The following PTPRD variants were observed in gnomAD, a reference collection of about 807,000 sequenced individuals.
PTPRD encodes the protein receptor-type tyrosine-protein phosphatase delta.
Under a neutral mutation model 214.5 loss-of-function variants are expected in PTPRD, and 34 were observed. The ratio of observed to expected loss-of-function variants is 0.16; its 90% CI spans 0.12 to 0.21. The LOEUF (loss-of-function observed/expected upper bound fraction) is 0.21. Ranked by LOEUF, PTPRD falls within the 10% of genes least tolerant of loss-of-function variation. The pLI is 1.00. For missense variants in PTPRD, 2,545 were observed against 2,398.7 expected (o/e 1.06, Z -1.27); for synonymous variants, 1,128 against 845.7 (o/e 1.33, Z -5.79).
intron 2 of PTPRD, among the ~76,000 whole-genome samples, chr9:10,551,563 G>A (rs1452936548): frequency 4.6e-5 from 7 of 152,098 alleles, no homozygotes; most frequent in African/African-American, 1.7e-4. Context: ...GCCCTAAAGA[G>A]CTGCCTTGCC....
At chr9:9,684,697 GTGTGTGTGTGTGTA>G (rs1564530248) in intron 7 of PTPRD, among the ~76,000 whole-genome samples, 2 of 150,976 alleles carry the variant, frequency 1.3e-5, no homozygotes, top group Non-Finnish European at 3.0e-5. Flanking sequence ...CAGCATTTGT[GTGTGTGTGTGTGTA>G]TGTGTGTGTG....
intron 2 of PTPRD, among the ~76,000 whole-genome samples, chr9:10,373,550 T>C (rs2097671584): frequency 6.6e-6 from 1 of 152,146 alleles, no homozygotes; most frequent in African/African-American, 2.4e-5. Context: ...GGATCATTAG[T>C]TAAGCTAATG....
intron 2 of PTPRD, among the ~76,000 whole-genome samples, chr9:10,524,450 A>C (rs543069563): frequency 1.1e-4 from 17 of 152,234 alleles, no homozygotes; most frequent in African/African-American, 3.8e-4. Context: ...ATGTATCTAT[A>C]ACTTAATAAA....
intron 8 of PTPRD, among the ~76,000 whole-genome samples, chr9:9,484,218 A>T (rs1237957256): frequency 6.6e-6 from 1 of 152,098 alleles, no homozygotes; most frequent in Non-Finnish European, 1.5e-5. Flanking sequence ...GCAAAAAAAA[A>T]ATAACAAATG....
chr9:9,229,723 T>A (rs1051015110), intron 9 of PTPRD, among the ~76,000 whole-genome samples: 9 of 152,098 alleles, frequency 5.9e-5, no homozygotes, highest in African/African-American at 2.2e-4. Flanking sequence ...GGAACTAGTA[T>A]TGTCTTAACT....
chr9:9,379,649 A>G (rs2061653370), intron 9 of PTPRD, among the ~76,000 whole-genome samples: 1 of 152,086 alleles, frequency 6.6e-6, no homozygotes, highest in African/African-American at 2.4e-5. Flanking sequence ...TTGATATTAT[A>G]TCTTCCTATC....
At chr9:10,203,946 C>T (rs540219813) in intron 3 of PTPRD, among the ~76,000 whole-genome samples, 1 of 152,184 alleles carries the variant, frequency 6.6e-6, no homozygotes, top group Non-Finnish European at 1.5e-5. Flanking sequence ...ATTTCTATCC[C>T]TGCCTCAATT....
chr9:9,983,042 T>C (rs1159445345), intron 4 of PTPRD, among the ~76,000 whole-genome samples: 1 of 137,482 alleles, frequency 7.3e-6, no homozygotes, highest in Non-Finnish European at 1.6e-5. Context: ...GTAAATCAAA[T>C]ACTTAAATAT....
intron 2 of PTPRD, among the ~76,000 whole-genome samples, chr9:10,459,993 G>A (rs1315101156): frequency 6.6e-6 from 1 of 151,976 alleles, no homozygotes; most frequent in Non-Finnish European, 1.5e-5. Context: ...TAAGTGTACA[G>A]TTAAGTGGCA....
intron 10 of PTPRD, among the ~76,000 whole-genome samples, chr9:9,159,537 A>G (rs1248427728): frequency 6.6e-6 from 1 of 152,142 alleles, no homozygotes; most frequent in Non-Finnish European, 1.5e-5. Flanking sequence ...ACTAGAAAAC[A>G]CTGAAGAAAG....
intron 4 of PTPRD, among the ~76,000 whole-genome samples, chr9:10,003,348 A>C (rs2096382159): frequency 6.6e-6 from 1 of 151,886 alleles, no homozygotes; most frequent in Non-Finnish European, 1.5e-5. Context: ...AGGACCACTG[A>C]ATAATTTTTA....
At chr9:8,970,401 G>C (rs1243495456) in intron 11 of PTPRD, among the ~76,000 whole-genome samples, 1 of 151,770 alleles carries the variant, frequency 6.6e-6, no homozygotes. Context: ...GTCTTGACTT[G>C]TGAAAAAATT....
At chr9:10,296,428 A>T (rs2095675640) in intron 3 of PTPRD, among the ~76,000 whole-genome samples, 2 of 152,172 alleles carry the variant, frequency 1.3e-5, no homozygotes, top group South Asian at 4.1e-4. Flanking sequence ...ACTCACTTAG[A>T]CATCTCATTT....
chr9:10,570,144 C>A (rs1460307235), intron 2 of PTPRD, among the ~76,000 whole-genome samples: 1 of 152,106 alleles, frequency 6.6e-6, no homozygotes, highest in Non-Finnish European at 1.5e-5. Context: ...CTCTCTCACC[C>A]ATCTTTCTCC....
rs12342324 is a variant in PTPRD, at chr9:8,816,588, G to C, written c.-103-82642C>G. Among the ~76,000 whole-genome samples the C allele has an allele frequency of 6.4e-3, 968 of 152,182 alleles. 12 individuals are homozygous for C. Among genetic ancestry groups the C allele is most frequent in the African/African-American group, 0.022 (910 of 41,526 alleles). On this transcript the variant is annotated intron_variant, in intron 11 of 45. Transcript: ENST00000381196. ...CAAACCAATCAAGCTTCTTCACAAA[G>C]GCTTTTATGTCAAGTTCTGTTAGCA... is the stretch of plus-strand genomic sequence containing the variant.
chr9:8,325,222 A>C (rs1274694542), intron 44 of PTPRD, among the ~76,000 whole-genome samples: 5 of 148,178 alleles, frequency 3.4e-5, no homozygotes, highest in African/African-American at 9.9e-5. Flanking sequence ...AGGGGTTTTC[A>C]TCATTTTACA....
rs191382692 is a variant in PTPRD, at chr9:9,981,423, C to T, written c.-471-42813G>A. ...AGGCTGGAGTGCAGTGGCACGATCT[C>T]GGCTCAGTGCAAGCTCCACCTCCAG... is the stretch of plus-strand genomic sequence containing the variant. On this transcript the variant is annotated intron_variant, in intron 4 of 45. Transcript: ENST00000381196. 9.0e-3 allele frequency among the ~76,000 whole-genome samples: 1,342 copies of T among 149,780 alleles called. 18 individuals carry two copies. The highest frequency in any genetic ancestry group is 0.014 in the Non-Finnish European group (916 of 67,706).
chr9:9,324,260 G>A (rs948422401), intron 9 of PTPRD, among the ~76,000 whole-genome samples: 24 of 152,220 alleles, frequency 1.6e-4, no homozygotes, highest in Admixed American at 5.2e-4. Flanking sequence ...TTGAGGAATC[G>A]CCACACTGTC....
rs1215949581 is a variant in PTPRD at position 9,857,004 on chromosome 9, C to G, written c.-368+81503G>C. 4.6e-5 allele frequency among the ~76,000 whole-genome samples: 7 copies of G among 152,262 alleles called. No homozygotes were observed. In the Middle Eastern group the frequency reaches 0.014, roughly 296 times the overall value. ...GTATTATTTTTCCTCTTTTTGACCT[C>G]TCAAGATCAGCTGTGAGCCTTGGAA... On this transcript the variant is annotated intron_variant, in intron 5 of 45. Transcript: ENST00000381196.
Sources: gnomAD v4.1 joint callset for allele counts (sites outside exome capture counted in the v4.1 genomes callset) on GRCh38, gnomAD v4.1.1 for gene constraint, MANE v1.5 for transcripts, NCBI Gene and HGNC (gene_info 2026-07-23, HGNC 2026-07-21) for gene names.